TOGARAM2: variants seen among roughly 807,000 people sequenced by gnomAD.
TOGARAM2 encodes TOG array regulator of axonemal microtubules protein 2.
Under a neutral mutation model 93.3 loss-of-function variants are expected in TOGARAM2, and 85 were observed. The ratio of observed to expected loss-of-function variants is 0.91; its 90% CI spans 0.76 to 1.09. TOGARAM2 has a LOEUF of 1.09. Among genes scored for constraint, TOGARAM2 ranks in the 50% least tolerant of loss-of-function variants. The probability of loss-of-function intolerance (pLI) is 0.00; values close to 1 mark genes in which losing one functional copy is unlikely to be tolerated. For synonymous variants in TOGARAM2, 593 were observed against 552.8 expected (o/e 1.07, Z -1.02); for missense variants, 1,277 against 1,334.5 (o/e 0.96, Z 0.67).
intron 1 of TOGARAM2, among the ~76,000 whole-genome samples, chr2:28,984,062 C>A (rs1230668949): frequency 3.3e-5 from 5 of 151,856 alleles, no homozygotes; most frequent in Non-Finnish European, 7.4e-5. Flanking sequence ...CTCCTCCATT[C>A]TTCTTCTTGG....
chr2:29,016,068 A>T (rs1572711828), intron 8 of TOGARAM2, among the ~76,000 whole-genome samples: 1 of 151,958 alleles, frequency 6.6e-6, no homozygotes, highest in East Asian at 1.9e-4. Context: ...CTTCCAACTG[A>T]CTGTGTCTAA....
chr2:28,962,805 C>G (rs1572615041), intron 1 of TOGARAM2, among the ~76,000 whole-genome samples: 1 of 130,840 alleles, frequency 7.6e-6, no homozygotes, highest in Non-Finnish European at 1.6e-5. Flanking sequence ...CCCCTTCCCT[C>G]CCCTTCCCTC....
At chr2:28,971,336 G>C (rs190123463) in intron 1 of TOGARAM2, among the ~76,000 whole-genome samples, 2 of 151,850 alleles carry the variant, frequency 1.3e-5, no homozygotes, top group Non-Finnish European at 2.9e-5. Context: ...CTCAGCTTTC[G>C]GAGTAGCTGG....
Position 29,022,314 on chromosome 2 carries a change from G to A in TOGARAM2, c.1511+6G>A, listed in dbSNP as rs1267317423. 2 of 1,613,786 alleles carry A rather than the reference G, an allele frequency of 1.2e-6. No homozygotes were observed. Among genetic ancestry groups the A allele is most frequent in the Admixed American group, 1.7e-5 (1 of 60,022 alleles). ...TGCCTCAACAGCAGTGACTGGTGAG[G>A]AGATGCTTCCACCACGTGCTGTGTT... On this transcript the variant is annotated splice_donor_region_variant and intron_variant, in intron 11 of 19. Transcript: ENST00000379558.
At chr2:29,013,786 C>T (rs1386259681) in intron 7 of TOGARAM2, among the ~76,000 whole-genome samples, 3 of 152,236 alleles carry the variant, frequency 2.0e-5, no homozygotes, top group Non-Finnish European at 4.4e-5. Context: ...TCCACTGACT[C>T]AAAGGTCGAT....
chr2:28,989,398 A>G (rs1672610578), intron 1 of TOGARAM2, among the ~76,000 whole-genome samples: 1 of 86,046 alleles, frequency 1.2e-5, no homozygotes, highest in African/African-American at 4.4e-5. Flanking sequence ...GATAAGCATT[A>G]TCTCCTTTTT....
At chr2:29,026,264 C>G (rs1023307473) in intron 13 of TOGARAM2, among the ~76,000 whole-genome samples, 28 of 152,148 alleles carry the variant, frequency 1.8e-4, no homozygotes, top group Non-Finnish European at 3.7e-4. Flanking sequence ...AATGATCACT[C>G]TTTTCGTCAT....
chr2:29,029,887 G>A (rs559134898), intron 14 of TOGARAM2, among the ~76,000 whole-genome samples: 2 of 152,170 alleles, frequency 1.3e-5, no homozygotes, highest in African/African-American at 4.8e-5. Context: ...AAAATCTCAC[G>A]AATCACTACT....
At chr2:29,045,934 C>T (rs1182087790) in intron 19 of TOGARAM2, 1 of 167,104 alleles carries the variant, frequency 6.0e-6, no homozygotes, top group Non-Finnish European at 1.3e-5. Flanking sequence ...TTGTGTGAGT[C>T]AGAAAAAAGC....
chr2:29,036,617 A>C lies in TOGARAM2; in HGVS notation c.2495A>C (p.Lys832Thr). 1 of 1,614,046 alleles carries C rather than the reference A, an allele frequency of 6.2e-7. No individual in the cohort carries two copies. Residue 832 changes from lysine (K) to threonine (T), a missense_variant, in exon 18 of 20, where the codon AAG becomes ACG. Transcript: ENST00000379558. ...VNQWALESFA[K>T]MIPLLRESLH... ...CAGTGGGCGCTGGAGTCCTTCGCCA[A>C]GATGATCCCCCTCCTCAGAGAGAGC...
upstream of TOGARAM2, among the ~76,000 whole-genome samples, chr2:28,978,099 G>T (rs1672063346): frequency 6.6e-6 from 1 of 152,170 alleles, no homozygotes; most frequent in Non-Finnish European, 1.5e-5. Flanking sequence ...TAGAGACGGG[G>T]TTTTACCATG....
intron 19 of TOGARAM2, 51 bp from the exon 20 acceptor site, chr2:29,051,705 G>A: frequency 1.4e-6 from 2 of 1,409,296 alleles, no homozygotes; most frequent in South Asian, 1.6e-5. Flanking sequence ...GAGGGAAGTG[G>A]GAGAGGGAGA....
chr2:29,020,237 TGATGTGGGTTACAGATTGGGAATG>T (rs1036582629), intron 10 of TOGARAM2, among the ~76,000 whole-genome samples: 2 of 152,208 alleles, frequency 1.3e-5, no homozygotes, highest in African/African-American at 4.8e-5. Context: ...GATTGGGAAC[TGATGTGGGTTACAGATTGGGAATG>T]GATGTGGGTT....
At chr2:29,010,988 G>T (rs1664207326) in intron 6 of TOGARAM2, among the ~76,000 whole-genome samples, 1 of 152,146 alleles carries the variant, frequency 6.6e-6, no homozygotes, top group Admixed American at 6.5e-5. Context: ...CCTGGGATGG[G>T]GATTACAATC....
chr2:29,012,420 T>C (rs1452140796), intron 7 of TOGARAM2, among the ~76,000 whole-genome samples: 4 of 152,178 alleles, frequency 2.6e-5, no homozygotes, highest in Non-Finnish European at 5.9e-5. Flanking sequence ...GCTTCTCCCC[T>C]GCTCCCGGGC....
In TOGARAM2 at chr2:29,035,504, A is replaced by G; in HGVS notation, c.2266A>G (p.Thr756Ala). The G allele has an allele frequency of 6.6e-7, 1 of 1,521,186 alleles. No homozygotes were observed. Among genetic ancestry groups the G allele is most frequent in the Non-Finnish European group, 8.8e-7 (1 of 1,132,644 alleles). 94.2% of individuals were successfully genotyped at this position (1,521,186 alleles called of 1,614,324 possible). A position where few individuals can be genotyped will look rare whatever the true frequency, so the allele number is the denominator to read the frequency against. The part of the protein sequence containing the change: ...NGPRLVGLRS[T>A]LQGRGEMVEQ... Reference sequence around the variant, plus strand: ...CCCAAGGCTGGTGGGGCTGCGCTCCACACTGCAGGGCCGCGGGGAGATGGT... The same window carrying G: ...CCCAAGGCTGGTGGGGCTGCGCTCCGCACTGCAGGGCCGCGGGGAGATGGT... Residue 756 changes from threonine (T) to alanine (A), a missense_variant, in exon 17 of 20, where the codon ACA (threonine) becomes GCA (alanine). Thr to Ala is a moderately conservative substitution (Grantham distance 58, BLOSUM62 0). Coordinates refer to ENST00000379558, the MANE Select transcript of TOGARAM2 (RefSeq NM_199280.4).
chr2:29,033,721 A>G (rs545236542), intron 16 of TOGARAM2, among the ~76,000 whole-genome samples, 158 bp downstream of exon 16: 33 of 152,206 alleles, frequency 2.2e-4, no homozygotes, highest in African/African-American at 7.7e-4. Context: ...AATTTGCAGG[A>G]TGTGTTCCCC....
chr2:29,031,760 G>A (rs964347666), intron 14 of TOGARAM2, among the ~76,000 whole-genome samples: 2 of 152,204 alleles, frequency 1.3e-5, no homozygotes, highest in African/African-American at 4.8e-5. Flanking sequence ...CACATAGAAA[G>A]ATTGCCCTCA....
intron 3 of TOGARAM2, among the ~76,000 whole-genome samples, 192 bp downstream of exon 3, chr2:28,998,445 G>A (rs1177577264): frequency 1.3e-5 from 2 of 152,228 alleles, no homozygotes; most frequent in African/African-American, 4.8e-5. Flanking sequence ...TTGGAGGTGT[G>A]CAGAGGGGGA....
Sources: allele counts gnomAD v4.1 joint callset (sites outside exome capture counted in the v4.1 genomes callset), GRCh38; gene constraint gnomAD v4.1.1; transcripts MANE v1.5; gene names NCBI Gene and HGNC (gene_info 2026-07-23, HGNC 2026-07-21).